Variants in SEC14L1 observed in about 807,000 individuals in gnomAD.
SEC14L1 encodes the protein SEC14-like protein 1.
Under a neutral mutation model 85.3 loss-of-function variants are expected in SEC14L1, and 48 were observed. The observed-to-expected ratio is 0.56, with a 90% CI of 0.45 to 0.72. The LOEUF (loss-of-function observed/expected upper bound fraction) is 0.72, where lower values mean the gene tolerates loss of function less well. SEC14L1 is among the 30% of genes least tolerant of loss of function. The pLI is 0.00. For missense variants in SEC14L1, 682 were observed against 921.4 expected, an observed-to-expected ratio of 0.74 and a Z score of 3.36; for synonymous variants, 391 against 355.5, an observed-to-expected ratio of 1.10 and a Z score of -1.12.
chr17:77,145,995 A>G (rs999788439), intron 3 of SEC14L1, among the ~76,000 whole-genome samples: 3 of 152,188 alleles, frequency 2.0e-5, no homozygotes, highest in Non-Finnish European at 4.4e-5. Context: ...GCATTCTTTC[A>G]GTTTCTAAGT....
At chr17:77,098,792 T>G (rs1293088667) in intron 3 of SEC14L1, among the ~76,000 whole-genome samples, 1 of 152,208 alleles carries the variant, frequency 6.6e-6, no homozygotes, top group Admixed American at 6.6e-5. Flanking sequence ...TCCCTGTGCC[T>G]TAGCTTCCCT....
In SEC14L1 at chr17:77,196,233, C is replaced by A. The variant is rs1975800715; in HGVS notation, c.741C>A (p.Tyr247Ter). 6 of 1,614,052 alleles carry A rather than the reference C, an allele frequency of 3.7e-6. No individual in the cohort carries two copies. The highest frequency in any genetic ancestry group is 5.1e-6 in the Non-Finnish European group (6 of 1,179,942). Residue 247 changes from tyrosine (Y) to a stop codon, truncating the protein, a stop_gained, in exon 8 of 17, where the codon TAC becomes TAA. Transcript: ENST00000436233. LOFTEE classifies it high-confidence loss of function. Reference sequence around the variant, plus strand: ...TAGATGCCGACTACATCAAGAGATACCTGGGCGATTTGACTCCGCTGCAGG... The same window carrying A: ...TAGATGCCGACTACATCAAGAGATAACTGGGCGATTTGACTCCGCTGCAGG... ...DKLDADYIKR[Y>*]LGDLTPLQES...
At chr17:77,162,977 T>C (rs1169547691) in intron 3 of SEC14L1, among the ~76,000 whole-genome samples, 1 of 152,152 alleles carries the variant, frequency 6.6e-6, no homozygotes, top group Admixed American at 6.5e-5. Flanking sequence ...CTTAAAGCTA[T>C]TTAGTTTGAG....
At chr17:77,160,157 G>A (rs1317049954) in intron 3 of SEC14L1, among the ~76,000 whole-genome samples, 1 of 152,152 alleles carries the variant, frequency 6.6e-6, no homozygotes, top group African/African-American at 2.4e-5. Context: ...TTATTATTCT[G>A]GTTCATGAAA....
intron 3 of SEC14L1, among the ~76,000 whole-genome samples, chr17:77,104,471 T>C (rs1173186406): frequency 7.1e-6 from 1 of 141,420 alleles, no homozygotes; most frequent in Non-Finnish European, 1.5e-5. Flanking sequence ...CCAGAAAATC[T>C]GAGACAGTTC....
intron 3 of SEC14L1, chr17:77,145,084 T>G (rs1186909609): frequency 1.6e-5 from 1 of 61,726 alleles, no homozygotes; most frequent in Non-Finnish European, 4.1e-5. Context: ...AATTTGTGTG[T>G]GTGTGTGTGT....
intron 3 of SEC14L1, among the ~76,000 whole-genome samples, chr17:77,124,541 T>A (rs1290195223): frequency 6.6e-6 from 1 of 152,210 alleles, no homozygotes; most frequent in East Asian, 1.9e-4. Flanking sequence ...ACATCCCTTT[T>A]TTCAGCTGTG....
rs1013370624 is a variant in SEC14L1 at position 77,214,086 on chromosome 17, C to T, written c.*63C>T. The T allele has an allele frequency of 2.9e-5, 46 of 1,568,120 alleles. No individual in the cohort carries two copies. In the Middle Eastern group the frequency reaches 2.8e-3, roughly 97 times the overall value. ...CCGCCCCTCCTCGGACAGCCAGCTG[C>T]ACCCGCCCACCCAGCGGCGACATTG... is the stretch of plus-strand genomic sequence containing the variant. On this transcript the variant is annotated 3_prime_UTR_variant, in exon 17 of 17. Transcript: ENST00000436233.
At chr17:77,104,565 G>A (rs928799416) in intron 3 of SEC14L1, among the ~76,000 whole-genome samples, 2 of 150,120 alleles carry the variant, frequency 1.3e-5, no homozygotes, top group African/African-American at 4.9e-5. Flanking sequence ...GCCGAGGAGG[G>A]TGGATCACGA....
intron 3 of SEC14L1, among the ~76,000 whole-genome samples, chr17:77,117,922 C>A (rs1348169488): frequency 1.3e-5 from 2 of 152,220 alleles, no homozygotes; most frequent in Non-Finnish European, 2.9e-5. Flanking sequence ...GGATCCCTCA[C>A]CTCCCCCTAC....
In SEC14L1 at chr17:77,154,195, G is replaced by T. The variant is rs370706138; in HGVS notation, c.63+10536G>T. ...AATTTAAAGTGTACGGGAGGGCTGG[G>T]TGTGGTGGCTCACATCTGTAATCCC... On this transcript the variant is annotated intron_variant, in intron 3 of 16. Coordinates refer to ENST00000436233, the MANE Select transcript of SEC14L1 (RefSeq NM_001143998.2). Among the ~76,000 whole-genome samples, 3 of 152,368 alleles carry T rather than the reference G, an allele frequency of 2.0e-5. No homozygotes were observed. The South Asian group carries it at 6.2e-4, about 32-fold the overall frequency.
At chr17:77,145,762 T>C (rs1489951554) in intron 3 of SEC14L1, among the ~76,000 whole-genome samples, 2 of 152,118 alleles carry the variant, frequency 1.3e-5, no homozygotes, top group Non-Finnish European at 2.9e-5. Flanking sequence ...CAGAGCCTGG[T>C]AGTGGAGGGA....
At chr17:77,194,981 T>G in intron 7 of SEC14L1, 70 bp downstream of exon 7, 1 of 1,122,728 alleles carries the variant, frequency 8.9e-7, no homozygotes, top group Non-Finnish European at 1.3e-6. Context: ...TCTCTCTGTT[T>G]GCTCTGCCTG....
rs745921636 is a variant in SEC14L1, at chr17:77,204,522, CTT to C, written c.1099-728_1099-727del. ...GGCTTGAGCCACCCTGCCCAGCCAG[CTT>C]TTTTTTTTTTTTTTTTTTTTTTTTT... On this transcript the variant is annotated intron_variant, in intron 10 of 16. Coordinates refer to ENST00000436233, the MANE Select transcript of SEC14L1 (RefSeq NM_001143998.2). Among the ~76,000 whole-genome samples, 55 of 84,734 alleles carry C rather than the reference CTT, an allele frequency of 6.5e-4. 1 individual carries two copies. The highest frequency in any genetic ancestry group is 1.4e-3 in the South Asian group (3 of 2,184). 55.6% of individuals were successfully genotyped at this position (84,734 alleles called of 152,430 possible). A position where few individuals can be genotyped will look rare whatever the true frequency, so the allele number is the denominator to read the frequency against.
intron 14 of SEC14L1, chr17:77,210,980 G>C (rs905693846): frequency 6.6e-6 from 1 of 152,316 alleles, no homozygotes; most frequent in Non-Finnish European, 1.5e-5. Flanking sequence ...AGCACAGGGG[G>C]CCGAGGCCTC....
chr17:77,191,428 ATGT>A (rs1975530399), intron 5 of SEC14L1, 116 bp downstream of exon 5: 9 of 1,105,928 alleles, frequency 8.1e-6, no homozygotes. Context: ...TCTTCATTAG[ATGT>A]TGTCACTCAT....
Position 77,193,571 on chromosome 17 carries a change from G to A in SEC14L1, c.474+22G>A, listed in dbSNP as rs370755416. 5 of 1,596,726 alleles carry A rather than the reference G, an allele frequency of 3.1e-6. No homozygotes were observed. In the African/African-American group the frequency reaches 4.0e-5, roughly 13 times the overall value. ...AAAAGTGAGTGTATCTTGGGATTTT[G>A]TGGCAGAGGGTGGGCAGGAGTCTCT... On this transcript the variant is annotated intron_variant, in intron 6 of 16. Coordinates refer to ENST00000436233, the MANE Select transcript of SEC14L1 (RefSeq NM_001143998.2).
intron 3 of SEC14L1, among the ~76,000 whole-genome samples, chr17:77,156,620 G>A (rs1973828455): frequency 6.6e-6 from 1 of 150,740 alleles, no homozygotes; most frequent in East Asian, 1.9e-4. Flanking sequence ...GGGTCTTGCA[G>A]TGTATGCTTT....
At chr17:77,204,522 C>CTTTTTT (rs745921636) in intron 10 of SEC14L1, among the ~76,000 whole-genome samples, 2 of 84,726 alleles carry the variant, frequency 2.4e-5, no homozygotes, top group African/African-American at 4.0e-5. Flanking sequence ...GCCCAGCCAG[C>CTTTTTT]TTTTTTTTTT....
Sources: allele counts gnomAD v4.1 joint callset (sites outside exome capture counted in the v4.1 genomes callset), GRCh38; gene constraint gnomAD v4.1.1; transcripts MANE v1.5; gene names NCBI Gene and HGNC (gene_info 2026-07-23, HGNC 2026-07-21).